Variants in MICB observed in about 807,000 individuals in gnomAD.
The protein encoded by MICB is MHC class I polypeptide-related sequence B.
MICB carries 27 observed loss-of-function variants against 34.3 expected under a neutral mutation model. The observed-to-expected ratio is 0.79, with a 90% CI of 0.58 to 1.08. The LOEUF is 1.08. Among genes scored for constraint, MICB ranks in the 50% least tolerant of loss-of-function variants. MICB has a pLI of 0.00. For missense variants in MICB, 426 were observed against 483.1 expected, an observed-to-expected ratio of 0.88 and a Z score of 1.11; for synonymous variants, 153 against 187.4, an observed-to-expected ratio of 0.82 and a Z score of 1.50.
chr6:31,507,079 C>T lies in MICB; in HGVS notation c.671C>T (p.Thr224Ile). 1 of 1,614,004 alleles carries T rather than the reference C, an allele frequency of 6.2e-7. No homozygotes were observed. The highest frequency in any genetic ancestry group is 1.3e-5 in the African/African-American group (1 of 75,038). ...GTCTCAGAGGGCAACATCACCGTGA[C>T]ATGCAGGGCTTCCAGCTTCTATCCC... ...SEVSEGNITVTCRASSFYPRN... is the reference protein window; with the variant it reads ...SEVSEGNITVICRASSFYPRN... The change falls in exon 4 of 6, where the codon ACA (threonine) becomes ATA (isoleucine). Residue 224 changes from threonine (T) to isoleucine (I), a missense_variant. Transcript: ENST00000252229. This position sits in a 1 kb window ranked among gnomAD's most constrained non-coding sequence, Gnocchi z 6.0.
chr6:31,496,111 C>T (rs1269309418), upstream of MICB, among the ~76,000 whole-genome samples: 1 of 152,168 alleles, frequency 6.6e-6, no homozygotes, highest in African/African-American at 2.4e-5. Context: ...TAAAAACTCT[C>T]CAGGTGGTTC....
chr6:31,508,246 T>C (rs140354787), intron 5 of MICB, among the ~76,000 whole-genome samples: 22 of 152,322 alleles, frequency 1.4e-4, no homozygotes, highest in African/African-American at 5.1e-4. Flanking sequence ...TCTGTGGCCT[T>C]ACCTTGCCCT....
chr6:31,499,279 G>A (rs1396677170), intron 1 of MICB, among the ~76,000 whole-genome samples: 1 of 151,862 alleles, frequency 6.6e-6, no homozygotes, highest in Non-Finnish European at 1.5e-5. Context: ...ATGATCTAAG[G>A]ACACCAGATT....
chr6:31,508,978 C>T (rs1161220259), intron 5 of MICB, among the ~76,000 whole-genome samples: 1 of 152,138 alleles, frequency 6.6e-6, no homozygotes, highest in Non-Finnish European at 1.5e-5. Flanking sequence ...CCCTACTCCA[C>T]GTGGAGAAAA....
At chr6:31,506,482 C>A in intron 3 of MICB, 52 bp downstream of exon 3, 1 of 1,577,232 alleles carries the variant, frequency 6.3e-7, no homozygotes, top group Non-Finnish European at 8.6e-7. Context: ...GCTAGAGTTG[C>A]CTCGCCTCCC....
At chr6:31,509,724 A>C (rs1765557793) in intron 5 of MICB, 58 bp from the exon 6 acceptor site, 1 of 1,490,192 alleles carries the variant, frequency 6.7e-7, no homozygotes, top group African/African-American at 1.4e-5. Flanking sequence ...AAAAGTCCTT[A>C]GGGAATAAAC....
rs1765383445 is a variant in MICB, at chr6:31,507,104, C to G, written c.696C>G (p.Pro232=). Reference sequence around the variant, plus strand: ...CATGCAGGGCTTCCAGCTTCTATCCCCGGAATATCACACTGACCTGGCGTC... The same window carrying G: ...CATGCAGGGCTTCCAGCTTCTATCCGCGGAATATCACACTGACCTGGCGTC... ...TVTCRASSFY[P]RNITLTWRQD... is the part of the protein sequence containing the mutation. Residue 232 remains proline (P), a synonymous_variant, in exon 4 of 6, where the codon CCC becomes CCG. Transcript: ENST00000252229. This position sits in a 1 kb window ranked among gnomAD's most constrained non-coding sequence, Gnocchi z 6.0. 6.2e-7 allele frequency: 1 copy of G among 1,614,054 alleles called. No homozygotes were observed.
chr6:31,505,861 C>T lies in MICB; in HGVS notation c.315C>T (p.Asp105=), dbSNP rs768691728. The change falls in exon 2 of 6, where the codon GAC becomes GAT. Residue 105 remains aspartate, a synonymous_variant. Transcript: ENST00000252229. ...GGAGGACCCTGACTCATATCAAGGA[C>T]CAGAAAGGAGGTGAGAGTCGGCAGG... ...DLRRTLTHIK[D]QKGGLHSLQE... is the part of the protein sequence containing the mutation. 1.2e-6 allele frequency: 2 copies of T among 1,606,546 alleles called. No homozygotes were observed. The highest frequency in any genetic ancestry group is 1.7e-6 in the Non-Finnish European group (2 of 1,176,676).
intron 2 of MICB, 71 bp from the exon 3 acceptor site, chr6:31,506,072 G>C: frequency 6.5e-7 from 1 of 1,532,040 alleles, no homozygotes; most frequent in Non-Finnish European, 8.8e-7. Flanking sequence ...GTCGCTGCTG[G>C]GCTGAGTTCC....
chr6:31,505,787 A>C lies in MICB; in HGVS notation c.241A>C (p.Thr81Pro). ...QWAENVLGAKTWDTETEDLTE... is the reference protein window; with the variant it reads ...QWAENVLGAKPWDTETEDLTE... ...GGCAGAAAATGTCCTGGGAGCTAAG[A>C]CCTGGGACACAGAGACCGAGGACTT... Residue 81 changes from threonine (T) to proline (P), a missense_variant, in exon 2 of 6, where the codon ACC (threonine) becomes CCC (proline). Physicochemically the swap from Thr to Pro is conservative, Grantham distance 38 (BLOSUM62 -1). Coordinates refer to ENST00000252229, the MANE Select transcript of MICB (RefSeq NM_005931.5). 2 of 1,613,266 alleles carry C rather than the reference A, an allele frequency of 1.2e-6. No individual in the cohort carries two copies. Among genetic ancestry groups the C allele is most frequent in the Non-Finnish European group, 1.7e-6 (2 of 1,180,012 alleles).
Position 31,507,070 on chromosome 6 carries a change from T to C in MICB, c.662T>C (p.Ile221Thr). Residue 221 changes from isoleucine to threonine, a missense_variant, in exon 4 of 6, where the codon ATC (isoleucine) becomes ACC (threonine). Coordinates refer to ENST00000252229, the MANE Select transcript of MICB (RefSeq NM_005931.5). The surrounding 1 kb of genome is among the most constrained non-coding windows in gnomAD (Gnocchi z 6.0). Reference sequence around the variant, plus strand: ...TGCAGCGAGGTCTCAGAGGGCAACATCACCGTGACATGCAGGGCTTCCAGC... The same window carrying C: ...TGCAGCGAGGTCTCAGAGGGCAACACCACCGTGACATGCAGGGCTTCCAGC... ...VTCSEVSEGN[I>T]TVTCRASSFY... 6.2e-7 allele frequency: 1 copy of C among 1,613,912 alleles called. No homozygotes were observed. The highest frequency in any genetic ancestry group is 8.5e-7 in the Non-Finnish European group (1 of 1,179,836).
chr6:31,499,481 GTGCTGCCCCTA>G lies in MICB; in HGVS notation c.70+1222_70+1232del, dbSNP rs1278604398. Among the ~76,000 whole-genome samples the G allele has an allele frequency of 2.0e-5, 3 of 149,654 alleles. No homozygotes were observed. In the Admixed American group the frequency reaches 2.0e-4, roughly 10 times the overall value. ...CTTTCCTGCAAGCAGCCTTCACTCC[GTGCTGCCCCTA>G]TGCCTCCCCATTCCCAAATGTCCCT... On this transcript the variant is annotated intron_variant, in intron 1 of 5. Transcript: ENST00000252229.
At chr6:31,500,952 G>C (rs1582867525) in intron 1 of MICB, among the ~76,000 whole-genome samples, 1 of 152,316 alleles carries the variant, frequency 6.6e-6, no homozygotes, top group East Asian at 1.9e-4. Context: ...CTAACAGTGG[G>C]AGTGCTGGAG....
At position 31,498,225 on chromosome 6, in the gene MICB, C is replaced by T. The variant is rs1410432923; in HGVS notation, c.32C>T (p.Ala11Val). MGLGRVLLFL[A>V]VAFPFAPPAA... ...CTGGGCCGGGTCCTGCTGTTTCTGG[C>T]CGTCGCCTTCCCTTTTGCACCCCCG... Residue 11 changes from alanine to valine, a missense_variant, in exon 1 of 6, where the codon GCC becomes GTC. Ala to Val is a moderately conservative substitution (Grantham distance 64, BLOSUM62 0). Transcript: ENST00000252229. 6.3e-7 allele frequency: 1 copy of T among 1,584,632 alleles called. No homozygotes were observed. Among genetic ancestry groups the T allele is most frequent in the Non-Finnish European group, 8.6e-7 (1 of 1,163,706 alleles).
intron 1 of MICB, among the ~76,000 whole-genome samples, chr6:31,500,049 A>G (rs1487491071): frequency 2.0e-5 from 3 of 150,642 alleles, no homozygotes; most frequent in Non-Finnish European, 3.0e-5. Context: ...CCCCTCCCCA[A>G]CCCAGACCTA....
chr6:31,506,502 CG>C, intron 3 of MICB, 72 bp downstream of exon 3: 1 of 1,513,274 alleles, frequency 6.6e-7, no homozygotes, highest in Non-Finnish European at 9.0e-7. Context: ...CAGCTCTGTC[CG>C]GGGAAACCCT....
rs200362996 is a variant in MICB at position 31,509,937 on chromosome 6, A to C, written c.*28A>C. 1 of 1,573,084 alleles carries C rather than the reference A, an allele frequency of 6.4e-7. No homozygotes were observed. The highest frequency in any genetic ancestry group is 8.6e-7 in the Non-Finnish European group (1 of 1,159,132). ...TCTACAGCCAGGCGGCCAGGATTCA[A>C]CTCCCTGCCTGGATCTCACCAGCAC... is the stretch of plus-strand genomic sequence containing the variant. On this transcript the variant is annotated 3_prime_UTR_variant, in exon 6 of 6. Coordinates refer to ENST00000252229, the MANE Select transcript of MICB (RefSeq NM_005931.5).
chr6:31,501,751 G>A (rs1276506674), intron 1 of MICB, among the ~76,000 whole-genome samples: 6 of 152,122 alleles, frequency 3.9e-5, no homozygotes, highest in Non-Finnish European at 7.3e-5. Flanking sequence ...TAGATATATG[G>A]ATTTGTTTCT....
chr6:31,508,326 C>A (rs140411617), intron 5 of MICB, among the ~76,000 whole-genome samples: 1 of 152,316 alleles, frequency 6.6e-6, no homozygotes, highest in African/African-American at 2.4e-5. Context: ...CAGTCAGAAG[C>A]ATTTCCCCCA....
Sources: gnomAD v4.1 joint callset for allele counts (sites outside exome capture counted in the v4.1 genomes callset) on GRCh38, gnomAD v4.1.1 for gene constraint, Gnocchi (gnomAD v3.1) non-coding constraint, MANE v1.5 for transcripts, NCBI Gene and HGNC (gene_info 2026-07-23, HGNC 2026-07-21) for gene names.